Variants in TSPAN2 observed in about 807,000 individuals in gnomAD.
TSPAN2 encodes the protein tetraspanin-2.
Under a neutral mutation model 33.3 loss-of-function variants are expected in TSPAN2, and 24 were observed. The ratio of observed to expected loss-of-function variants is 0.72; its 90% CI spans 0.52 to 1.01. The LOEUF (loss-of-function observed/expected upper bound fraction) is 1.01, where lower values mean the gene tolerates loss of function less well. TSPAN2 is among the 50% of genes least tolerant of loss of function. The pLI is 0.00. For synonymous variants in TSPAN2, 114 were observed against 104.5 expected (o/e 1.09, Z -0.56); for missense variants, 278 against 281.3 (o/e 0.99, Z 0.08).
chr1:115,065,086 T>G (rs1224804261), intron 2 of TSPAN2, among the ~76,000 whole-genome samples: 2 of 152,214 alleles, frequency 1.3e-5, no homozygotes, highest in Non-Finnish European at 2.9e-5. Context: ...TTGAGGCCAC[T>G]TCTCAGCCAG....
At chr1:115,060,370 A>G in intron 4 of TSPAN2, 94 bp downstream of exon 4, 2 of 1,006,516 alleles carry the variant, frequency 2.0e-6, no homozygotes, top group Non-Finnish European at 3.0e-6. Flanking sequence ...AACTATAATA[A>G]TGGGGATTAT....
chr1:115,086,543 C>A (rs985953857), intron 1 of TSPAN2, among the ~76,000 whole-genome samples: 5 of 152,216 alleles, frequency 3.3e-5, no homozygotes, highest in Non-Finnish European at 7.3e-5. Flanking sequence ...AAACTCCTTA[C>A]TTAGATCACA....
chr1:115,057,532 C>T lies in TSPAN2; in HGVS notation c.516+5G>A. On this transcript the variant is annotated splice_donor_5th_base_variant and intron_variant, in intron 6 of 7. Transcript: ENST00000369516. ...GGTAGAGTAAGAACCTTGGTAGAAG[C>T]TTACCTTGTGTCCTAGAAGCTCCTT... 1 of 1,613,992 alleles carries T rather than the reference C, an allele frequency of 6.2e-7. No homozygotes were observed. Among genetic ancestry groups the T allele is most frequent in the Non-Finnish European group, 8.5e-7 (1 of 1,179,864 alleles).
chr1:115,063,227 C>T (rs1218718134), intron 2 of TSPAN2, among the ~76,000 whole-genome samples: 1 of 152,054 alleles, frequency 6.6e-6, no homozygotes, highest in Admixed American at 6.5e-5. Context: ...AATCAACAAG[C>T]AAAAGGCAAA....
intron 2 of TSPAN2, among the ~76,000 whole-genome samples, chr1:115,068,039 C>T (rs1648017884): frequency 1.3e-5 from 2 of 152,218 alleles, no homozygotes; most frequent in South Asian, 4.1e-4. Context: ...AACCCAAGCC[C>T]TCCTCTGCCA....
chr1:115,071,276 G>A (rs558607282), intron 2 of TSPAN2, among the ~76,000 whole-genome samples: 3 of 152,286 alleles, frequency 2.0e-5, no homozygotes, highest in Admixed American at 1.3e-4. Context: ...AGCTGCAAGG[G>A]GAAATGTGTT....
intron 2 of TSPAN2, 94 bp downstream of exon 2, chr1:115,072,811 C>T (rs989398160): frequency 6.4e-6 from 7 of 1,094,818 alleles, no homozygotes; most frequent in Non-Finnish European, 9.6e-6. Flanking sequence ...TCTGCCCTCC[C>T]CCTCCCACCA....
intron 1 of TSPAN2, among the ~76,000 whole-genome samples, chr1:115,086,131 G>A (rs942696630): frequency 1.3e-5 from 2 of 152,012 alleles, no homozygotes; most frequent in Admixed American, 6.6e-5. Flanking sequence ...CCTATGTGCC[G>A]ATAACAAAAA....
intron 4 of TSPAN2, 130 bp downstream of exon 4, chr1:115,060,334 A>T: frequency 1.4e-6 from 1 of 706,900 alleles, no homozygotes; most frequent in South Asian, 1.9e-5. Context: ...TCTGCACACC[A>T]CTTCTAAGTT....
chr1:115,071,759 C>T (rs769128594), intron 2 of TSPAN2, among the ~76,000 whole-genome samples: 19 of 152,162 alleles, frequency 1.2e-4, no homozygotes, highest in Non-Finnish European at 2.4e-4. Flanking sequence ...TGCTACTCTC[C>T]TCTAAAAGTA....
intron 2 of TSPAN2, among the ~76,000 whole-genome samples, chr1:115,069,904 C>T (rs973934337): frequency 1.3e-5 from 2 of 152,126 alleles, no homozygotes; most frequent in Middle Eastern, 3.2e-3. Flanking sequence ...ATTCTTGCCA[C>T]GATAGTGGTT....
At chr1:115,074,935 C>A (rs1648343474) in intron 1 of TSPAN2, among the ~76,000 whole-genome samples, 1 of 152,080 alleles carries the variant, frequency 6.6e-6, no homozygotes, top group Admixed American at 6.6e-5. Flanking sequence ...TCACAGGCAA[C>A]CCTGCACGCC....
chr1:115,068,958 C>T (rs567279435), intron 2 of TSPAN2, among the ~76,000 whole-genome samples: 1 of 152,338 alleles, frequency 6.6e-6, no homozygotes, highest in East Asian at 1.9e-4. Flanking sequence ...CAAGCCCCAC[C>T]AGGAGGAGCT....
At position 115,053,439 on chromosome 1, in the gene TSPAN2, G is replaced by A; in HGVS notation, c.540C>T (p.Thr180=). The change falls in exon 7 of 8, where the codon ACC becomes ACT. Residue 180 remains threonine, a synonymous_variant. Coordinates refer to ENST00000369516, the MANE Select transcript of TSPAN2 (RefSeq NM_005725.6). The part of the protein sequence containing the change: ...GHKNCIDEIE[T]IISVKLQLIG... ...TGAGCTGGAGCTTAACACTGATTAT[G>A]GTCTCAATTTCATCGATGCAATTCT... 2 of 1,613,844 alleles carry A rather than the reference G, an allele frequency of 1.2e-6. No individual in the cohort carries two copies. The highest frequency in any genetic ancestry group is 2.2e-5 in the East Asian group (1 of 44,848).
chr1:115,069,092 C>G (rs1363236991), intron 2 of TSPAN2, among the ~76,000 whole-genome samples: 1 of 152,170 alleles, frequency 6.6e-6, no homozygotes, highest in African/African-American at 2.4e-5. Flanking sequence ...ATCGTGAGTG[C>G]CTTTACCACC....
At position 115,049,133 on chromosome 1, in the gene TSPAN2, A is replaced by G. The variant is rs762397341; in HGVS notation, c.*1357T>C. 82 of 152,278 alleles carry G rather than the reference A, an allele frequency of 5.4e-4. 2 individuals carry two copies. The highest frequency in any genetic ancestry group is 3.2e-4 in the Non-Finnish European group (22 of 67,980). The allele number at this position is 152,278 out of a possible 1,614,324, so 9.4% of individuals were successfully genotyped here. A position where few individuals can be genotyped will look rare whatever the true frequency, so the allele number is the denominator to read the frequency against. On this transcript the variant is annotated 3_prime_UTR_variant, in exon 8 of 8. Transcript: ENST00000369516. ...AAAAAATCTATGGTTTACTAAATGT[A>G]ACACGTTAAAAATCACTGAAAAATT...
intron 2 of TSPAN2, among the ~76,000 whole-genome samples, chr1:115,063,526 G>A (rs962672130): frequency 1.3e-5 from 2 of 152,216 alleles, no homozygotes; most frequent in Admixed American, 6.5e-5. Context: ...TCAAACAACT[G>A]AGTTGAACTA....
At chr1:115,067,745 G>T (rs1051001708) in intron 2 of TSPAN2, among the ~76,000 whole-genome samples, 1 of 152,194 alleles carries the variant, frequency 6.6e-6, no homozygotes, top group African/African-American at 2.4e-5. Flanking sequence ...TGGCTCCTGC[G>T]TGTGTGGGCA....
Position 115,062,145 on chromosome 1 carries a change from A to G in TSPAN2, c.260T>C (p.Val87Ala). The stretch of plus-strand genomic sequence containing the variant: ...CCTCGCCCCACTTACTGATCCAAGC[A>G]CACATTGCGACTCCCGCATGGCTCC... Reference protein sequence around the residue: ...CCGAMRESQCVLGSFFTCLLV... With the variant: ...CCGAMRESQCALGSFFTCLLV... Residue 87 changes from valine (V) to alanine (A), a missense_variant, in exon 3 of 8, where the codon GTG (valine) becomes GCG (alanine). By Grantham distance (64) the Val-to-Ala change is moderately conservative. Transcript: ENST00000369516. 1 of 1,590,860 alleles carries G rather than the reference A, an allele frequency of 6.3e-7. No individual in the cohort carries two copies. Among genetic ancestry groups the G allele is most frequent in the Non-Finnish European group, 8.6e-7 (1 of 1,168,942 alleles).
Sources: gnomAD v4.1 joint callset for allele counts (sites outside exome capture counted in the v4.1 genomes callset) on GRCh38, gnomAD v4.1.1 for gene constraint, MANE v1.5 for transcripts, NCBI Gene and HGNC (gene_info 2026-07-23, HGNC 2026-07-21) for gene names.